The following IRAG1 variants were observed in gnomAD, a reference collection of about 807,000 sequenced individuals.
IRAG1 encodes the protein inositol 1,4,5-triphosphate receptor associated 1, also known as IP3R-associated cGMP kinase substrate.
IRAG1 carries 62 observed loss-of-function variants against 106.2 expected under a neutral mutation model. The ratio of observed to expected loss-of-function variants is 0.58; its 90% confidence interval spans 0.48 to 0.72. The LOEUF (loss-of-function observed/expected upper bound fraction) is 0.72. Ranked by LOEUF, IRAG1 falls within the 30% of genes least tolerant of loss-of-function variation. The pLI, the probability that IRAG1 is intolerant of heterozygous loss-of-function variation, is 0.00. For synonymous variants in IRAG1, 462 were observed against 443.9 expected (o/e 1.04, Z -0.51); for missense variants, 1,064 against 1,140.7 (o/e 0.93, Z 0.97).
intron 2 of IRAG1, among the ~76,000 whole-genome samples, chr11:10,635,528 G>A (rs1857083825): frequency 6.6e-6 from 1 of 152,234 alleles, no homozygotes; most frequent in African/African-American, 2.4e-5. Flanking sequence ...GGTGGGAGCT[G>A]CCAATGGGCT....
intron 18 of IRAG1, among the ~76,000 whole-genome samples, chr11:10,584,649 A>T (rs2134126548): frequency 6.8e-6 from 1 of 148,008 alleles, no homozygotes; most frequent in East Asian, 2.0e-4. Flanking sequence ...GAGGTTCCTT[A>T]ATGTTAAGCA....
chr11:10,657,054 C>T lies in IRAG1; in HGVS notation c.68-4872G>A, dbSNP rs896740747. On this transcript the variant is annotated intron_variant, in intron 1 of 20. Coordinates refer to ENST00000423302, the MANE Select transcript of IRAG1 (RefSeq NM_130385.4). The surrounding 1 kb of genome is among the most constrained non-coding windows in gnomAD (Gnocchi z 4.1). ...GTAGGTGGTAGCAGCAGGTGGAGGA[C>T]GCGGAGGCCGGCCCTGCCTTGTAGG... Among the ~76,000 whole-genome samples, 6 of 152,250 alleles carry T rather than the reference C, an allele frequency of 3.9e-5. No individual in the cohort carries two copies. The highest frequency in any genetic ancestry group is 7.2e-5 in the African/African-American group (3 of 41,538).
At chr11:10,633,315 TTC>T (rs1856883087) in intron 3 of IRAG1, among the ~76,000 whole-genome samples, 1 of 152,166 alleles carries the variant, frequency 6.6e-6, no homozygotes. Flanking sequence ...GACCTCATGA[TTC>T]ACCCGCCTTG....
At chr11:10,586,181 G>A (rs902137236) in intron 18 of IRAG1, 6 of 152,054 alleles carry the variant, frequency 3.9e-5, no homozygotes, top group African/African-American at 7.3e-5. Flanking sequence ...GGGTGGGTAG[G>A]GGGGAGTGGA....
Position 10,595,121 on chromosome 11 carries a change from C to T in IRAG1, c.2018-926G>A, listed in dbSNP as rs138403283. 9.4e-3 allele frequency among the ~76,000 whole-genome samples: 1,431 copies of T among 151,710 alleles called. 28 individuals carry two copies. The highest frequency in any genetic ancestry group is 0.032 in the African/African-American group (1,338 of 41,446). ...TTTATTTTTAGTAGAAACAGGGTTT[C>T]GCCATGTTGGCCAGGCTGGTCTCCA... On this transcript the variant is annotated intron_variant, in intron 15 of 20. Coordinates refer to ENST00000423302, the MANE Select transcript of IRAG1 (RefSeq NM_130385.4).
chr11:10,682,068 G>A (rs1344284698), intron 1 of IRAG1, among the ~76,000 whole-genome samples: 3 of 152,114 alleles, frequency 2.0e-5, no homozygotes, highest in Non-Finnish European at 4.4e-5. Flanking sequence ...GAACTACTCA[G>A]CCTCACAAAG....
chr11:10,671,803 A>G (rs1860251516), intron 1 of IRAG1, among the ~76,000 whole-genome samples: 1 of 152,194 alleles, frequency 6.6e-6, no homozygotes, highest in Non-Finnish European at 1.5e-5. Flanking sequence ...ACTCTGAGAG[A>G]TATGAAATAT....
chr11:10,606,843 A>T, intron 11 of IRAG1, 71 bp from the exon 12 acceptor site: 1 of 1,407,970 alleles, frequency 7.1e-7, no homozygotes, highest in South Asian at 1.4e-5. Flanking sequence ...ACTCTGAATG[A>T]CCAGCAGACC....
intron 1 of IRAG1, among the ~76,000 whole-genome samples, chr11:10,660,993 T>C (rs1258964630): frequency 6.6e-6 from 1 of 152,198 alleles, no homozygotes; most frequent in Non-Finnish European, 1.5e-5. Flanking sequence ...TCCCTTCCAA[T>C]GACCCTCCAT....
At chr11:10,604,304 C>T in intron 13 of IRAG1, 101 bp downstream of exon 13, 4 of 1,457,174 alleles carry the variant, frequency 2.7e-6, no homozygotes, top group South Asian at 1.3e-5. Flanking sequence ...TTTTTCACTT[C>T]AGGAGACTAT....
chr11:10,625,870 G>T, intron 9 of IRAG1, 96 bp downstream of exon 9: 2 of 1,229,548 alleles, frequency 1.6e-6, no homozygotes, highest in Non-Finnish European at 2.1e-6. Context: ...CCAGGCCAGA[G>T]CTGCCCTGGC....
chr11:10,595,104 T>C (rs1853144916), intron 15 of IRAG1, among the ~76,000 whole-genome samples: 1 of 152,068 alleles, frequency 6.6e-6, no homozygotes, highest in Admixed American at 6.6e-5. Flanking sequence ...TTTTTATTTT[T>C]AGTAGAAACA....
intron 2 of IRAG1, among the ~76,000 whole-genome samples, chr11:10,651,223 G>C (rs370367313): frequency 1.3e-5 from 2 of 152,206 alleles, no homozygotes; most frequent in African/African-American, 4.8e-5. Context: ...AAAATACGAC[G>C]AGGATGATGC....
intron 1 of IRAG1, among the ~76,000 whole-genome samples, chr11:10,656,990 G>A (rs183240755): frequency 6.6e-6 from 1 of 152,168 alleles, no homozygotes; most frequent in African/African-American, 2.4e-5. Flanking sequence ...TCTTATGAGG[G>A]CTAAAGAGTG....
chr11:10,635,790 G>T (rs752384071), intron 2 of IRAG1, among the ~76,000 whole-genome samples: 5 of 152,322 alleles, frequency 3.3e-5, no homozygotes, highest in Non-Finnish European at 5.9e-5. Flanking sequence ...GTCTCTGGGT[G>T]AGAGTCCAGC....
At chr11:10,651,370 G>A (rs1375336894) in intron 2 of IRAG1, among the ~76,000 whole-genome samples, 2 of 152,190 alleles carry the variant, frequency 1.3e-5, no homozygotes, top group Non-Finnish European at 2.9e-5. Flanking sequence ...TGTGAAGAGC[G>A]AGTTACTATG....
intron 1 of IRAG1, chr11:10,690,496 C>T: frequency 8.3e-7 from 1 of 1,205,900 alleles, no homozygotes; most frequent in Non-Finnish European, 1.1e-6. Context: ...TCTGCTAAGA[C>T]TCTGAATTTG....
In IRAG1 at chr11:10,600,789, A is replaced by G; in HGVS notation, c.2017+129T>C. On this transcript the variant is annotated intron_variant, in intron 15 of 20. Coordinates refer to ENST00000423302, the MANE Select transcript of IRAG1 (RefSeq NM_130385.4). ...CAGCTGCTGGGAGGCCCCTGTGGGC[A>G]GCACTAGACAGGAGTGCTGCTCAAC... 4 of 1,243,236 alleles carry G rather than the reference A, an allele frequency of 3.2e-6. No individual in the cohort carries two copies. In the East Asian group the frequency reaches 7.6e-5, roughly 24 times the overall value. 77.0% of individuals were successfully genotyped at this position (1,243,236 alleles called of 1,614,324 possible).
intron 2 of IRAG1, among the ~76,000 whole-genome samples, chr11:10,642,118 C>T (rs1189471872): frequency 2.0e-5 from 3 of 152,178 alleles, no homozygotes; most frequent in Non-Finnish European, 1.5e-5. Context: ...ATGCCCTTGG[C>T]TCACTGCCCT....
Sources: allele counts gnomAD v4.1 joint callset (sites outside exome capture counted in the v4.1 genomes callset), GRCh38; gene constraint gnomAD v4.1.1; non-coding constraint Gnocchi (gnomAD v3.1); transcripts MANE v1.5; gene names NCBI Gene and HGNC (gene_info 2026-07-23, HGNC 2026-07-21).